The following PPP4R1 variants were observed in gnomAD, a reference collection of about 807,000 sequenced individuals.
PPP4R1 encodes serine/threonine-protein phosphatase 4 regulatory subunit 1.
A neutral mutation model predicts 111.2 loss-of-function variants in PPP4R1; 42 were observed. The ratio of observed to expected loss-of-function variants is 0.38; its 90% confidence interval spans 0.29 to 0.49. The LOEUF (loss-of-function observed/expected upper bound fraction) is 0.49, where lower values mean the gene tolerates loss of function less well. Ranked by LOEUF, PPP4R1 falls within the 20% of genes least tolerant of loss-of-function variation. The probability of loss-of-function intolerance (pLI) is 0.97; values close to 1 mark genes in which losing one functional copy is unlikely to be tolerated. For missense variants in PPP4R1, 1,012 were observed against 1,161.6 expected (o/e 0.87, Z 1.87); for synonymous variants, 409 against 405.5 (o/e 1.01, Z -0.10).
At position 9,614,466 on chromosome 18, in the gene PPP4R1, G is replaced by A. The variant is rs780738068; in HGVS notation, c.7+12C>T. ...GGAGCCGCCGCCGCCCGGAGAACAG[G>A]GGGCCACGTACCCGCCATCTTGTGG... is the stretch of plus-strand genomic sequence containing the variant. On this transcript the variant is annotated intron_variant, in intron 1 of 19. Coordinates refer to ENST00000400556, the MANE Select transcript of PPP4R1 (RefSeq NM_001042388.3). This position sits in a 1 kb window ranked among gnomAD's most constrained non-coding sequence, Gnocchi z 4.1. 115 of 1,033,172 alleles carry A rather than the reference G, an allele frequency of 1.1e-4. 3 individuals are homozygous for A. The highest frequency in any genetic ancestry group is 7.0e-6 in the Non-Finnish European group (6 of 861,742). The allele number at this position is 1,033,172 out of a possible 1,614,324, so 64.0% of individuals were successfully genotyped here. A position where few individuals can be genotyped will look rare whatever the true frequency, so the allele number is the denominator to read the frequency against.
intron 5 of PPP4R1, 59 bp downstream of exon 5, chr18:9,588,652 A>T: frequency 6.9e-7 from 1 of 1,444,156 alleles, no homozygotes; most frequent in Non-Finnish European, 9.4e-7. Context: ...AGGCTCGGCT[A>T]TTCTCCATAT....
chr18:9,549,904 G>C, intron 18 of PPP4R1, 148 bp downstream of exon 18: 1 of 1,191,956 alleles, frequency 8.4e-7, no homozygotes, highest in Admixed American at 2.7e-5. Context: ...GCCCAACAAT[G>C]GGGGCAGATG....
intron 4 of PPP4R1, among the ~76,000 whole-genome samples, chr18:9,591,856 C>T (rs2067217047): frequency 6.6e-6 from 1 of 152,124 alleles, no homozygotes; most frequent in Non-Finnish European, 1.5e-5. Context: ...CACTTGAGGC[C>T]AGAAGTTCCA....
At chr18:9,600,840 C>T (rs1163597488) in intron 2 of PPP4R1, among the ~76,000 whole-genome samples, 1 of 151,986 alleles carries the variant, frequency 6.6e-6, no homozygotes, top group Non-Finnish European at 1.5e-5. Context: ...GATATAGCTC[C>T]ACTGCACTCC....
intron 2 of PPP4R1, among the ~76,000 whole-genome samples, chr18:9,610,155 T>C (rs2067552886): frequency 6.6e-6 from 1 of 152,268 alleles, no homozygotes; most frequent in Admixed American, 6.5e-5. Flanking sequence ...CGTATCTTAG[T>C]CTCATTTCAT....
chr18:9,599,729 G>A (rs920124439), intron 2 of PPP4R1: 1 of 152,124 alleles, frequency 6.6e-6, no homozygotes, highest in Non-Finnish European at 1.5e-5. Context: ...GCATAACCTT[G>A]AAGCACCTTT....
At chr18:9,598,587 AG>A (rs2067328458) in intron 2 of PPP4R1, among the ~76,000 whole-genome samples, 1 of 122,306 alleles carries the variant, frequency 8.2e-6, no homozygotes, top group Admixed American at 7.7e-5. Context: ...GCTGAAATAA[AG>A]ATTTTTTTCA....
chr18:9,547,809 T>C lies in PPP4R1; in HGVS notation c.2833A>G (p.Thr945Ala), dbSNP rs770380040. 3.4e-5 allele frequency: 55 copies of C among 1,613,120 alleles called. No individual in the cohort carries two copies. The highest frequency in any genetic ancestry group is 4.7e-5 in the Non-Finnish European group (55 of 1,180,016). The change falls in exon 20 of 20, where the codon ACA (threonine) becomes GCA (alanine). Residue 945 changes from threonine to alanine, a missense_variant. Physicochemically the swap from Thr to Ala is moderately conservative, Grantham distance 58 (BLOSUM62 0). Coordinates refer to ENST00000400556, the MANE Select transcript of PPP4R1 (RefSeq NM_001042388.3). ...STKISEDAMS[T>A]ASSTY ...GCCTTCTAGTAGGTTGAGGACGCTGTGCTCATGGCATCTTCGGAGATTTTG... is the reference window on the plus strand; with the variant it reads ...GCCTTCTAGTAGGTTGAGGACGCTGCGCTCATGGCATCTTCGGAGATTTTG...
Position 9,595,078 on chromosome 18 carries a change from T to A in PPP4R1, c.128A>T (p.Glu43Val). 1 of 1,614,014 alleles carries A rather than the reference T, an allele frequency of 6.2e-7. No individual in the cohort carries two copies. Among genetic ancestry groups the A allele is most frequent in the South Asian group, 1.1e-5 (1 of 91,080 alleles). The change falls in exon 3 of 20, where the codon GAA becomes GTA. Residue 43 changes from glutamate (E) to valine (V), a missense_variant. By Grantham distance (121) the Glu-to-Val change is moderately radical. Transcript: ENST00000400556. ...PSALDFVSQD[E>V]MLTPLGRLDK... ...CAATCTCCCCAGGGGCGTCAACATT[T>A]CATCTTGTGAGACAAAGTCCAGGGC...
chr18:9,585,954 TC>T (rs1293190842), intron 6 of PPP4R1, among the ~76,000 whole-genome samples: 2 of 152,034 alleles, frequency 1.3e-5, no homozygotes, highest in African/African-American at 4.8e-5. Context: ...TTCAACACTA[TC>T]CCCATGAAAA....
chr18:9,608,247 T>C (rs1043414637), intron 2 of PPP4R1, among the ~76,000 whole-genome samples: 2 of 152,108 alleles, frequency 1.3e-5, no homozygotes, highest in African/African-American at 4.8e-5. Context: ...ATTTTAAAGG[T>C]AGAAAGCTGA....
At position 9,555,827 on chromosome 18, in the gene PPP4R1, C is replaced by T. The variant is rs142887915; in HGVS notation, c.2190+1394G>A. ...TTGAGCGGAGAAAAACTATAAAGGACAATACTGGGACAATCAGAAAAATTT... is the reference window on the plus strand; with the variant it reads ...TTGAGCGGAGAAAAACTATAAAGGATAATACTGGGACAATCAGAAAAATTT... On this transcript the variant is annotated intron_variant, in intron 15 of 19. Transcript: ENST00000400556. 8.6e-3 allele frequency among the ~76,000 whole-genome samples: 1,311 copies of T among 152,158 alleles called. 18 individuals carry two copies. Among genetic ancestry groups the T allele is most frequent in the African/African-American group, 0.03 (1,228 of 41,498 alleles).
At chr18:9,579,702 T>A (rs1176541470) in intron 9 of PPP4R1, among the ~76,000 whole-genome samples, 3 of 152,210 alleles carry the variant, frequency 2.0e-5, no homozygotes, top group African/African-American at 7.2e-5. Context: ...ACAGACTTTT[T>A]TCCTTGTCAT....
chr18:9,549,392 C>A, intron 18 of PPP4R1, 54 bp from the exon 19 acceptor site: 1 of 1,536,886 alleles, frequency 6.5e-7, no homozygotes. Flanking sequence ...GCCAAAAACT[C>A]GACTACTGGC....
intron 11 of PPP4R1, among the ~76,000 whole-genome samples, chr18:9,569,851 A>G (rs1193499077): frequency 1.3e-5 from 2 of 152,014 alleles, no homozygotes; most frequent in African/African-American, 4.8e-5. Context: ...CCTAAGCTCA[A>G]ACGATCTCCC....
intron 15 of PPP4R1, among the ~76,000 whole-genome samples, chr18:9,554,275 A>C (rs1231633158): frequency 2.6e-5 from 4 of 151,604 alleles, no homozygotes; most frequent in East Asian, 1.9e-4. Context: ...CTACAGGCGC[A>C]TGCCACCACG....
At chr18:9,592,367 T>G (rs1242672859) in intron 4 of PPP4R1, among the ~76,000 whole-genome samples, 1 of 152,176 alleles carries the variant, frequency 6.6e-6, no homozygotes, top group African/African-American at 2.4e-5. Flanking sequence ...CCCTCCTGGG[T>G]ATGCCCTTTT....
intron 6 of PPP4R1, among the ~76,000 whole-genome samples, chr18:9,586,680 G>A (rs919892907): frequency 1.3e-5 from 2 of 152,126 alleles, no homozygotes; most frequent in Non-Finnish European, 2.9e-5. Flanking sequence ...ACTAAATATA[G>A]TGTGATTATT....
At chr18:9,590,124 TTG>T (rs1255647916) in intron 4 of PPP4R1, 3 of 152,182 alleles carry the variant, frequency 2.0e-5, no homozygotes, top group African/African-American at 7.2e-5. Flanking sequence ...TAACAAGTCA[TTG>T]TATCGGACCT....
Sources: gnomAD v4.1 joint callset for allele counts (sites outside exome capture counted in the v4.1 genomes callset) on GRCh38, gnomAD v4.1.1 for gene constraint, Gnocchi (gnomAD v3.1) non-coding constraint, MANE v1.5 for transcripts, NCBI Gene and HGNC (gene_info 2026-07-23, HGNC 2026-07-21) for gene names.